Variants in CNTNAP2 observed in about 807,000 individuals in gnomAD.
The protein encoded by CNTNAP2 is contactin associated protein 2.
A neutral mutation model predicts 155.2 loss-of-function variants in CNTNAP2; 98 were observed. The ratio of observed to expected loss-of-function variants is 0.63; its 90% CI spans 0.54 to 0.75. The LOEUF (loss-of-function observed/expected upper bound fraction) is 0.75. Ranked by LOEUF, CNTNAP2 falls within the 30% of genes least tolerant of loss-of-function variation. The pLI is 0.00. For synonymous variants in CNTNAP2, 651 were observed against 631.2 expected (o/e 1.03, Z -0.47); for missense variants, 1,727 against 1,688.1 (o/e 1.02, Z -0.40).
intron 1 of CNTNAP2, among the ~76,000 whole-genome samples, chr7:146,341,731 A>G (rs1794732302): frequency 6.6e-6 from 1 of 152,134 alleles, no homozygotes; most frequent in Non-Finnish European, 1.5e-5. Context: ...AAAAACAAAA[A>G]AAACCCCTGA....
rs553367285 is a variant in CNTNAP2, at chr7:146,471,673, G to A, written c.98-302598G>A. On this transcript the variant is annotated intron_variant, in intron 1 of 23. Transcript: ENST00000361727. ...ATGAAATCTCAATAAGATAAATGGC[G>A]TGTTTGAACTTCTCATGTAACACAT... Among the ~76,000 whole-genome samples the A allele has an allele frequency of 9.8e-5, 15 of 152,312 alleles. No individual in the cohort carries two copies. In the East Asian group the frequency reaches 2.1e-3, roughly 22 times the overall value.
intron 1 of CNTNAP2, among the ~76,000 whole-genome samples, chr7:146,491,149 C>T (rs1273654351): frequency 6.6e-6 from 1 of 151,990 alleles, no homozygotes; most frequent in Non-Finnish European, 1.5e-5. Flanking sequence ...AATTATAAGG[C>T]TGTTATATGA....
intron 10 of CNTNAP2, among the ~76,000 whole-genome samples, chr7:147,475,774 T>G (rs1798309614): frequency 6.6e-6 from 1 of 152,204 alleles, no homozygotes; most frequent in Admixed American, 6.5e-5. Flanking sequence ...CGTTTAAATC[T>G]TTCATCTATC....
chr7:148,039,201 C>T (rs1802625256), intron 15 of CNTNAP2, among the ~76,000 whole-genome samples: 1 of 152,162 alleles, frequency 6.6e-6, no homozygotes. Context: ...GGCTGAAGGC[C>T]TGAGAACCCA....
intron 11 of CNTNAP2, among the ~76,000 whole-genome samples, chr7:147,533,669 G>A (rs568935570): frequency 6.6e-6 from 1 of 151,062 alleles, no homozygotes; most frequent in South Asian, 2.1e-4. Flanking sequence ...TACTCAGGAG[G>A]CTGAGGCAAG....
In CNTNAP2 at chr7:146,344,952, T is replaced by G. The variant is rs116305705; in HGVS notation, c.97+227979T>G. On this transcript the variant is annotated intron_variant, in intron 1 of 23. Coordinates refer to ENST00000361727, the MANE Select transcript of CNTNAP2 (RefSeq NM_014141.6). ...GGCATTAACTAAGTTGAGAAAGAGCTGTTGGAACAGTCTGGAGAATAATAT... is the reference window on the plus strand; with the variant it reads ...GGCATTAACTAAGTTGAGAAAGAGCGGTTGGAACAGTCTGGAGAATAATAT... Among the ~76,000 whole-genome samples, 878 of 152,330 alleles carry G rather than the reference T, an allele frequency of 5.8e-3. 12 individuals are homozygous for G. Among genetic ancestry groups the G allele is most frequent in the African/African-American group, 0.02 (839 of 41,580 alleles).
chr7:148,064,487 C>A (rs1803216429), intron 15 of CNTNAP2, among the ~76,000 whole-genome samples: 1 of 151,830 alleles, frequency 6.6e-6, no homozygotes, highest in Admixed American at 6.6e-5. Context: ...TGTTGCCGTT[C>A]ACTAAGGATA....
chr7:147,989,054 G>A (rs1272575342), intron 15 of CNTNAP2, among the ~76,000 whole-genome samples: 1 of 152,204 alleles, frequency 6.6e-6, no homozygotes, highest in East Asian at 1.9e-4. Context: ...TTCCTAGTGG[G>A]ACTTTGAGTG....
At chr7:147,195,983 C>T (rs770921541) in intron 8 of CNTNAP2, among the ~76,000 whole-genome samples, 7 of 151,948 alleles carry the variant, frequency 4.6e-5, no homozygotes, top group South Asian at 4.1e-4. Context: ...GAGGTAATTA[C>T]GTTAAAATGA....
chr7:146,559,124 A>G (rs1247568811), intron 1 of CNTNAP2, among the ~76,000 whole-genome samples: 1 of 152,206 alleles, frequency 6.6e-6, no homozygotes, highest in African/African-American at 2.4e-5. Context: ...ATAGTCAATA[A>G]TAACATATTG....
intron 18 of CNTNAP2, among the ~76,000 whole-genome samples, chr7:148,206,930 C>T (rs1399055830): frequency 6.6e-6 from 1 of 152,184 alleles, no homozygotes; most frequent in Non-Finnish European, 1.5e-5. Context: ...AGGCATCCCA[C>T]GCCCCACCCA....
At chr7:148,265,180 T>C (rs755318823) in intron 20 of CNTNAP2, among the ~76,000 whole-genome samples, 49 of 152,242 alleles carry the variant, frequency 3.2e-4, no homozygotes, top group Non-Finnish European at 6.0e-4. Context: ...AGCTAGCTAA[T>C]ATTTAAGAGC....
At chr7:147,957,874 A>T (rs1262873243) in intron 14 of CNTNAP2, among the ~76,000 whole-genome samples, 1 of 151,770 alleles carries the variant, frequency 6.6e-6, no homozygotes, top group Non-Finnish European at 1.5e-5. Flanking sequence ...CAGGAGTTGG[A>T]GACCAGTCTG....
intron 1 of CNTNAP2, among the ~76,000 whole-genome samples, chr7:146,353,045 C>T (rs1478514848): frequency 3.3e-5 from 5 of 152,064 alleles, no homozygotes; most frequent in East Asian, 1.9e-4. Context: ...TGAGCCACCG[C>T]GCCCGGCCAG....
chr7:147,611,398 T>A (rs1801181441), intron 12 of CNTNAP2, among the ~76,000 whole-genome samples: 1 of 152,206 alleles, frequency 6.6e-6, no homozygotes, highest in Non-Finnish European at 1.5e-5. Context: ...AAGGGAAGAT[T>A]AGCTTGTCTA....
intron 1 of CNTNAP2, among the ~76,000 whole-genome samples, chr7:146,294,076 A>G (rs1023320182): frequency 2.0e-5 from 3 of 152,204 alleles, no homozygotes; most frequent in African/African-American, 4.8e-5. Flanking sequence ...TTCACTCCAT[A>G]CTTTCTGGAC....
At chr7:147,638,778 T>C in intron 12 of CNTNAP2, 3 of 445,276 alleles carry the variant, frequency 6.7e-6, no homozygotes, top group South Asian at 3.8e-5. Context: ...CAGCAAGAAG[T>C]TGGGACATAA....
chr7:147,665,909 T>C (rs1199888983), intron 13 of CNTNAP2, among the ~76,000 whole-genome samples: 1 of 152,132 alleles, frequency 6.6e-6, no homozygotes, highest in East Asian at 1.9e-4. Flanking sequence ...CTTTGTGTAT[T>C]CTAACAGTTT....
At chr7:146,228,306 T>C (rs1024072128) in intron 1 of CNTNAP2, among the ~76,000 whole-genome samples, 14 of 152,190 alleles carry the variant, frequency 9.2e-5, no homozygotes, top group African/African-American at 3.4e-4. Context: ...TTTCACTAGT[T>C]GCCTAAATGA....
Sources: gnomAD v4.1 joint callset for allele counts (sites outside exome capture counted in the v4.1 genomes callset) on GRCh38, gnomAD v4.1.1 for gene constraint, MANE v1.5 for transcripts, NCBI Gene and HGNC (gene_info 2026-07-23, HGNC 2026-07-21) for gene names.